EXOC6: variants seen among roughly 807,000 people sequenced by gnomAD.
EXOC6 encodes the protein SEC15-like 1.
Under a neutral mutation model 112.5 loss-of-function variants are expected in EXOC6, and 60 were observed. That is an observed-to-expected ratio of 0.53 (90% CI 0.43 to 0.66). The LOEUF (loss-of-function observed/expected upper bound fraction) is 0.66, where lower values mean the gene tolerates loss of function less well. EXOC6 is among the 30% of genes least tolerant of loss of function. The pLI is 0.00. For missense variants in EXOC6, 855 were observed against 957.1 expected (o/e 0.89, Z 1.41); for synonymous variants, 295 against 308.0 (o/e 0.96, Z 0.44).
intron 1 of EXOC6, among the ~76,000 whole-genome samples, chr10:92,885,033 A>T (rs1165000083): frequency 6.6e-6 from 1 of 152,154 alleles, no homozygotes; most frequent in African/African-American, 2.4e-5. Flanking sequence ...TTAACATTTT[A>T]ATGTCTTATC....
chr10:92,911,509 T>C (rs1564823022), intron 6 of EXOC6, among the ~76,000 whole-genome samples: 3 of 152,212 alleles, frequency 2.0e-5, no homozygotes, highest in African/African-American at 4.8e-5. Context: ...ATTAAACTTA[T>C]CTTCTTTGAC....
intron 5 of EXOC6, 118 bp downstream of exon 5, chr10:92,899,762 C>T (rs1780954685): frequency 1.5e-6 from 1 of 658,454 alleles, no homozygotes. Context: ...ATTACACTAA[C>T]CTTTGTACTT....
At chr10:93,004,661 C>G (rs956179511) in intron 19 of EXOC6, among the ~76,000 whole-genome samples, 1 of 151,912 alleles carries the variant, frequency 6.6e-6, no homozygotes, top group Non-Finnish European at 1.5e-5. Context: ...CTTTTTTAAC[C>G]TATACTTGGT....
At chr10:92,845,423 T>C (rs1847010705), upstream of EXOC6, among the ~76,000 whole-genome samples, 1 of 151,588 alleles carries the variant, frequency 6.6e-6, no homozygotes, top group African/African-American at 2.4e-5. Flanking sequence ...TGTGGTGACA[T>C]GTACCTGTAA....
chr10:93,005,357 T>C (rs903574819), intron 19 of EXOC6, among the ~76,000 whole-genome samples: 3 of 152,212 alleles, frequency 2.0e-5, no homozygotes, highest in Non-Finnish European at 4.4e-5. Context: ...GTATAAATTT[T>C]ATACAAGTTC....
chr10:93,057,066 A>G, intron 21 of EXOC6, 30 bp downstream of exon 21: 1 of 1,142,836 alleles, frequency 8.8e-7, no homozygotes, highest in Non-Finnish European at 1.3e-6. Context: ...TTTTTGTATA[A>G]CATTTTAGCA....
At chr10:92,975,650 T>G (rs1437743859) in intron 18 of EXOC6, among the ~76,000 whole-genome samples, 1 of 122,982 alleles carries the variant, frequency 8.1e-6, no homozygotes, top group Admixed American at 7.8e-5. Context: ...AGCCACCCCG[T>G]CCGGGAGGTG....
chr10:92,988,717 T>C (rs1397506366), intron 18 of EXOC6, among the ~76,000 whole-genome samples: 1 of 151,820 alleles, frequency 6.6e-6, no homozygotes, highest in Non-Finnish European at 1.5e-5. Context: ...CCCAACATAT[T>C]GGGAGGCCGA....
intron 20 of EXOC6, among the ~76,000 whole-genome samples, chr10:93,034,777 ATCT>A (rs1488489035): frequency 6.6e-6 from 1 of 152,172 alleles, no homozygotes; most frequent in African/African-American, 2.4e-5. Context: ...AATTAAACAA[ATCT>A]TCTTTTGTTT....
At chr10:92,848,726 C>T in intron 1 of EXOC6, 92 bp downstream of exon 1, 1 of 1,048,274 alleles carries the variant, frequency 9.5e-7, no homozygotes, top group Non-Finnish European at 1.2e-6. Context: ...CGGCCGCGCG[C>T]GAAGCTCCCC....
At chr10:92,949,719 A>G (rs746889837) in intron 14 of EXOC6, among the ~76,000 whole-genome samples, 29 of 151,932 alleles carry the variant, frequency 1.9e-4, no homozygotes, top group East Asian at 7.7e-4. Flanking sequence ...CAGCCTCCCA[A>G]GTAGCTGGGA....
At chr10:93,024,694 AG>A (rs1332644486) in intron 20 of EXOC6, among the ~76,000 whole-genome samples, 3 of 152,192 alleles carry the variant, frequency 2.0e-5, no homozygotes, top group Non-Finnish European at 4.4e-5. Flanking sequence ...CTGGGATTAC[AG>A]GTGTAAGCCA....
At chr10:92,896,714 C>T (rs550248680) in intron 4 of EXOC6, among the ~76,000 whole-genome samples, 1 of 151,980 alleles carries the variant, frequency 6.6e-6, no homozygotes, top group Admixed American at 6.6e-5. Context: ...CGCCACCATG[C>T]CCGGCTAATT....
intron 19 of EXOC6, among the ~76,000 whole-genome samples, chr10:93,007,578 G>A (rs190446066): frequency 1.3e-5 from 2 of 151,336 alleles, no homozygotes; most frequent in South Asian, 2.1e-4. Context: ...GCTTGAACCC[G>A]GGAGATGGAG....
intron 14 of EXOC6, among the ~76,000 whole-genome samples, chr10:92,948,995 T>C (rs1243256237): frequency 6.6e-6 from 1 of 152,218 alleles, no homozygotes; most frequent in Non-Finnish European, 1.5e-5. Context: ...AGAATGCACA[T>C]GAATCCATGT....
chr10:93,047,533 C>A (rs1012573821), intron 20 of EXOC6, among the ~76,000 whole-genome samples: 1 of 148,906 alleles, frequency 6.7e-6, no homozygotes, highest in African/African-American at 2.5e-5. Context: ...GAGGCTATGT[C>A]TCAAACAAAA....
chr10:92,952,110 C>G (rs1027125095), intron 14 of EXOC6, among the ~76,000 whole-genome samples, 163 bp from the exon 15 acceptor site: 4 of 152,106 alleles, frequency 2.6e-5, no homozygotes, highest in Non-Finnish European at 5.9e-5. Context: ...TTATTTTCTT[C>G]AGAAATATTT....
At chr10:92,909,683 G>T (rs1219450646) in intron 6 of EXOC6, 52 bp downstream of exon 6, 2 of 1,108,802 alleles carry the variant, frequency 1.8e-6, no homozygotes, top group Non-Finnish European at 1.3e-6. Context: ...ACAGGATCTG[G>T]AAAATATCCA....
At chr10:92,931,281 ATTT>A (rs879604128) in intron 9 of EXOC6, among the ~76,000 whole-genome samples, 56 of 147,214 alleles carry the variant, frequency 3.8e-4, no homozygotes, top group Admixed American at 6.8e-4. Context: ...TGGACAAAAG[ATTT>A]TTTTTTTTAG....
Sources: gnomAD v4.1 joint callset for allele counts (sites outside exome capture counted in the v4.1 genomes callset) on GRCh38, gnomAD v4.1.1 for gene constraint, MANE v1.5 for transcripts, NCBI Gene and HGNC (gene_info 2026-07-23, HGNC 2026-07-21) for gene names.